Variants in MYCBP2 observed in about 807,000 individuals in gnomAD.
The protein encoded by MYCBP2 is E3 ubiquitin-protein ligase MYCBP2.
Under a neutral mutation model 525.3 loss-of-function variants are expected in MYCBP2, and 120 were observed. The ratio of observed to expected loss-of-function variants is 0.23; its 90% confidence interval spans 0.20 to 0.27. The LOEUF (loss-of-function observed/expected upper bound fraction) is 0.27. Ranked by LOEUF, MYCBP2 falls within the 10% of genes least tolerant of loss-of-function variation. The pLI is 1.00. For synonymous variants in MYCBP2, 1,894 were observed against 1,955.8 expected (o/e 0.97, Z 0.83); for missense variants, 4,149 against 5,657.1 (o/e 0.73, Z 8.55).
chr13:77,159,202 T>G (rs1186168713), intron 44 of MYCBP2, among the ~76,000 whole-genome samples: 1 of 152,234 alleles, frequency 6.6e-6, no homozygotes, highest in Non-Finnish European at 1.5e-5. Flanking sequence ...TTACCATCCC[T>G]GAATCTGTAA....
intron 17 of MYCBP2, 102 bp from the exon 18 acceptor site, chr13:77,233,365 TAACGG>T: frequency 1.0e-6 from 1 of 968,590 alleles, no homozygotes; most frequent in East Asian, 2.6e-5. Context: ...AATTTATTCT[TAACGG>T]TTTTGGACAT....
intron 58 of MYCBP2, among the ~76,000 whole-genome samples, chr13:77,094,165 CAA>C (rs2045874898): frequency 6.6e-6 from 1 of 152,096 alleles, no homozygotes; most frequent in East Asian, 1.9e-4. Context: ...CTCTGCTACA[CAA>C]AGAGGACAAT....
At chr13:77,223,072 G>A (rs568157392) in intron 20 of MYCBP2, among the ~76,000 whole-genome samples, 9 of 152,310 alleles carry the variant, frequency 5.9e-5, no homozygotes, top group South Asian at 2.1e-4. Flanking sequence ...TTTCCATGGT[G>A]AGACAACCAC....
rs116615614 is a variant in MYCBP2 at position 77,230,252 on chromosome 13, C to T, written c.2737+2904G>A. On this transcript the variant is annotated intron_variant, in intron 18 of 82. Transcript: ENST00000544440. ...AGTTCTTACTCTCCTTACACCCTCA[C>T]AAAAAAGTCACAGTCTAAAAAATTT... Among the ~76,000 whole-genome samples the T allele has an allele frequency of 9.9e-3, 1,507 of 152,158 alleles. 24 individuals carry two copies. Among genetic ancestry groups the T allele is most frequent in the African/African-American group, 0.034 (1,422 of 41,526 alleles).
At chr13:77,314,146 T>G (rs1214486901) in intron 1 of MYCBP2, among the ~76,000 whole-genome samples, 2 of 152,232 alleles carry the variant, frequency 1.3e-5, no homozygotes, top group African/African-American at 4.8e-5. Flanking sequence ...CCACAATCAC[T>G]GTTTCTGGTA....
intron 26 of MYCBP2, among the ~76,000 whole-genome samples, chr13:77,198,353 T>A (rs2061992287): frequency 6.6e-6 from 1 of 152,234 alleles, no homozygotes; most frequent in Non-Finnish European, 1.5e-5. Flanking sequence ...AAATATTTCT[T>A]TAAGTTTGTC....
At chr13:77,107,764 AAAAAT>A (rs1366486533) in intron 55 of MYCBP2, among the ~76,000 whole-genome samples, 48 of 152,172 alleles carry the variant, frequency 3.2e-4, no homozygotes, top group African/African-American at 1.1e-3. Flanking sequence ...ATAAAATTAA[AAAAAT>A]AAAATAAAGT....
intron 57 of MYCBP2, 63 bp downstream of exon 57, chr13:77,096,249 C>A: frequency 6.9e-7 from 1 of 1,456,060 alleles, no homozygotes. Flanking sequence ...AAGATTATAA[C>A]AAGGTATTTT....
At chr13:77,052,937 T>C (rs920386563) in intron 80 of MYCBP2, among the ~76,000 whole-genome samples, 7 of 152,116 alleles carry the variant, frequency 4.6e-5, no homozygotes, top group Admixed American at 4.6e-4. Context: ...AAGACCAGCC[T>C]GGGCAACATG....
intron 15 of MYCBP2, among the ~76,000 whole-genome samples, chr13:77,245,740 A>C (rs1567036106): frequency 4.2e-5 from 3 of 72,134 alleles, no homozygotes; most frequent in African/African-American, 1.7e-4. Flanking sequence ...CCAGAACGTA[A>C]AGTAACACAC....
rs1436787819 is a variant in MYCBP2, at chr13:77,090,172, G to C, written c.10459C>G (p.Gln3487Glu). The C allele has an allele frequency of 6.2e-7, 1 of 1,612,774 alleles. No homozygotes were observed. Among genetic ancestry groups the C allele is most frequent in the Admixed American group, 1.7e-5 (1 of 59,916 alleles). Reference protein sequence around the residue: ...YSVVASEYDKQHSILPARVKA... With the variant: ...YSVVASEYDKEHSILPARVKA... ...ACTCGTGCAGGTAAAATGGAGTGTT[G>C]TTTATCATATTCGGAAGCAACAACT... The change falls in exon 60 of 83, where the codon CAA becomes GAA. Residue 3487 changes from glutamine (Q) to glutamate (E), a missense_variant. By Grantham distance (29) the Gln-to-Glu change is conservative (BLOSUM62 2). Around this residue, in one of 21 missense-constraint regions of MYCBP2, gnomAD observed 509 missense variants for 789.4 expected, o/e 0.64. Transcript: ENST00000544440.
chr13:77,139,266 T>C lies in MYCBP2; in HGVS notation c.7589A>G (p.Asn2530Ser). Residue 2530 changes from asparagine (N) to serine (S), a missense_variant, in exon 52 of 83, where the codon AAT (asparagine) becomes AGT (serine). Transcript: ENST00000544440. ...GAGGCACCAGGCTTCAGTGTAACCA[T>C]TCATGTTAGGGACATACTTCTTTAT... The part of the protein sequence containing the change: ...ETIKKYVPNM[N>S]GYTEAWCLSF... 1 of 1,613,926 alleles carries C rather than the reference T, an allele frequency of 6.2e-7. No individual in the cohort carries two copies. The highest frequency in any genetic ancestry group is 8.5e-7 in the Non-Finnish European group (1 of 1,179,834).
At position 77,095,604 on chromosome 13, in the gene MYCBP2, T is replaced by G; in HGVS notation, c.9955-2A>C. 6.2e-7 allele frequency: 1 copy of G among 1,607,392 alleles called. No homozygotes were observed. The highest frequency in any genetic ancestry group is 8.5e-7 in the Non-Finnish European group (1 of 1,175,482). On this transcript the variant is annotated splice_acceptor_variant, in intron 57 of 82. Transcript: ENST00000544440. LOFTEE classifies it high-confidence loss of function. Reference sequence around the variant, plus strand: ...TGGTTTTCTCCTAGATTGTTTGACCTGGCGAAGAAAAAAATCAAACTAATC... The same window carrying G: ...TGGTTTTCTCCTAGATTGTTTGACCGGGCGAAGAAAAAAATCAAACTAATC...
chr13:77,246,624 GAGA>G (rs1363368221), intron 15 of MYCBP2, among the ~76,000 whole-genome samples: 2 of 147,692 alleles, frequency 1.4e-5, no homozygotes, highest in African/African-American at 5.0e-5. Flanking sequence ...AAAGAAGAAG[GAGA>G]AGGAGAAAGA....
chr13:77,260,074 T>C (rs1342853301), intron 13 of MYCBP2, among the ~76,000 whole-genome samples: 2 of 152,104 alleles, frequency 1.3e-5, no homozygotes, highest in African/African-American at 4.8e-5. Flanking sequence ...ATAAAATACT[T>C]CAACAATTAT....
intron 1 of MYCBP2, among the ~76,000 whole-genome samples, chr13:77,317,698 G>C (rs993512667): frequency 5.3e-5 from 8 of 152,160 alleles, no homozygotes; most frequent in African/African-American, 1.9e-4. Context: ...CAGCACTTTG[G>C]GAGGCTGACG....
At position 77,067,655 on chromosome 13, in the gene MYCBP2, G is replaced by A; in HGVS notation, c.12381C>T (p.Thr4127=). The stretch of plus-strand genomic sequence containing the variant: ...CAGTGGTACCAGCTGTTCCAGTGAT[G>A]GTGGTTCCTTTGGCTTTTAGCTGTA... ...LTVQLKAKGT[T]ITGTAGTTVG... Residue 4127 remains threonine (T), a synonymous_variant, in exon 71 of 83, where the codon ACC becomes ACT. Coordinates refer to ENST00000544440, the MANE Select transcript of MYCBP2 (RefSeq NM_015057.5). 1 of 1,614,168 alleles carries A rather than the reference G, an allele frequency of 6.2e-7. No homozygotes were observed.
chr13:77,263,902 T>C (rs773986208), intron 9 of MYCBP2, 27 bp downstream of exon 9: 1 of 1,607,266 alleles, frequency 6.2e-7, no homozygotes. Context: ...CCATTTACAC[T>C]AGCTACTTAA....
chr13:77,087,809 C>A (rs1478566615), intron 61 of MYCBP2, 176 bp from the exon 62 acceptor site: 2 of 568,750 alleles, frequency 3.5e-6, no homozygotes, highest in Non-Finnish European at 5.9e-6. Context: ...GAGACAGTGT[C>A]TCGCTCTGTC....
Sources: gnomAD v4.1 joint callset for allele counts (sites outside exome capture counted in the v4.1 genomes callset) on GRCh38, gnomAD v4.1.1 for gene constraint, gnomAD v4.1.1 regional missense constraint, MANE v1.5 for transcripts, NCBI Gene and HGNC (gene_info 2026-07-23, HGNC 2026-07-21) for gene names.